LRP1B: variants seen among roughly 807,000 people sequenced by gnomAD.
LRP1B encodes the protein LDL receptor related protein 1B.
In LRP1B, 217 loss-of-function variants were observed where a neutral mutation model predicts 556.6. The ratio of observed to expected loss-of-function variants is 0.39; its 90% CI spans 0.35 to 0.44. The LOEUF is 0.44. Ranked by LOEUF, LRP1B falls within the 20% of genes least tolerant of loss-of-function variation. The pLI, the probability that LRP1B is intolerant of heterozygous loss-of-function variation, is 1.00. For missense variants in LRP1B, 5,053 were observed against 5,620.8 expected (o/e 0.90, Z 3.23); for synonymous variants, 2,047 against 1,865.8 (o/e 1.10, Z -2.50).
At chr2:141,730,592 AT>A (rs1401846434) in intron 2 of LRP1B, among the ~76,000 whole-genome samples, 6 of 152,118 alleles carry the variant, frequency 3.9e-5, no homozygotes, top group African/African-American at 1.4e-4. Flanking sequence ...GCTACCTATT[AT>A]ACTAGTTGAA....
At chr2:140,820,369 A>G (rs1691284785) in intron 31 of LRP1B, among the ~76,000 whole-genome samples, 1 of 152,176 alleles carries the variant, frequency 6.6e-6, no homozygotes, top group Non-Finnish European at 1.5e-5. Context: ...CCTGGAAATT[A>G]CCCTTTTCAT....
intron 1 of LRP1B, among the ~76,000 whole-genome samples, chr2:141,838,180 T>C (rs1319484697): frequency 6.6e-6 from 1 of 152,054 alleles, no homozygotes; most frequent in African/African-American, 2.4e-5. Flanking sequence ...TAATAATCTA[T>C]AACGTAAGCT....
chr2:141,462,598 C>A (rs1457950764), intron 3 of LRP1B, among the ~76,000 whole-genome samples: 1 of 151,994 alleles, frequency 6.6e-6, no homozygotes, highest in Non-Finnish European at 1.5e-5. Flanking sequence ...AACCATGGCA[C>A]ATGTATACCT....
At chr2:141,674,845 C>T (rs1055149126) in intron 2 of LRP1B, among the ~76,000 whole-genome samples, 29 of 151,960 alleles carry the variant, frequency 1.9e-4, no homozygotes, top group Non-Finnish European at 3.8e-4. Flanking sequence ...AGGACATGTA[C>T]ATTAGACATT....
chr2:140,310,329 C>CT (rs1301744680), intron 83 of LRP1B, among the ~76,000 whole-genome samples: 1 of 150,092 alleles, frequency 6.7e-6, no homozygotes, highest in African/African-American at 2.4e-5. Context: ...CTAACACAAT[C>CT]TACAGATTCA....
At chr2:141,913,279 G>A (rs981530397) in intron 1 of LRP1B, among the ~76,000 whole-genome samples, 5 of 152,220 alleles carry the variant, frequency 3.3e-5, no homozygotes, top group African/African-American at 1.2e-4. Context: ...AACAGAAATT[G>A]ATTGGACCCT....
intron 9 of LRP1B, among the ~76,000 whole-genome samples, chr2:141,056,616 T>G (rs1249630554): frequency 1.3e-5 from 2 of 151,872 alleles, no homozygotes; most frequent in Non-Finnish European, 2.9e-5. Context: ...TTCATCTCAG[T>G]CTCTTCTTTT....
At chr2:140,667,369 T>C (rs1685315920) in intron 41 of LRP1B, among the ~76,000 whole-genome samples, 1 of 152,202 alleles carries the variant, frequency 6.6e-6, no homozygotes, top group African/African-American at 2.4e-5. Context: ...TTTACCCTGA[T>C]ATAAAACAAA....
rs6760190 is a variant in LRP1B, at chr2:140,651,842, G to A, written c.6799+48408C>T. Among the ~76,000 whole-genome samples the A allele has an allele frequency of 9.0e-3, 1,370 of 152,228 alleles. 21 individuals carry two copies. The highest frequency in any genetic ancestry group is 0.031 in the African/African-American group (1,283 of 41,538). Reference sequence around the variant, plus strand: ...CAGCAAATGATATACTTTGATTATTGTCAAACAGGTTTGCCTTCCAGGGTA... The same window carrying A: ...CAGCAAATGATATACTTTGATTATTATCAAACAGGTTTGCCTTCCAGGGTA... On this transcript the variant is annotated intron_variant, in intron 41 of 90. Transcript: ENST00000389484.
At chr2:141,319,869 A>C (rs892729386) in intron 3 of LRP1B, among the ~76,000 whole-genome samples, 4 of 152,128 alleles carry the variant, frequency 2.6e-5, no homozygotes, top group Non-Finnish European at 5.9e-5. Flanking sequence ...GTAAATTAGA[A>C]AACCTAAATC....
At chr2:140,604,393 A>G (rs1682790815) in intron 41 of LRP1B, among the ~76,000 whole-genome samples, 1 of 152,030 alleles carries the variant, frequency 6.6e-6, no homozygotes, top group Admixed American at 6.6e-5. Flanking sequence ...CCGTGGTTGT[A>G]CCCTATTTCC....
At chr2:141,812,789 A>C (rs1696401458) in intron 1 of LRP1B, among the ~76,000 whole-genome samples, 1 of 152,122 alleles carries the variant, frequency 6.6e-6, no homozygotes, top group Non-Finnish European at 1.5e-5. Context: ...TGACTAAGGT[A>C]ATGGGGAATT....
intron 7 of LRP1B, among the ~76,000 whole-genome samples, chr2:141,079,533 G>T (rs1558845958): frequency 6.6e-6 from 1 of 152,136 alleles, no homozygotes. Flanking sequence ...TTTTATATTT[G>T]AGCACACTAT....
chr2:141,502,490 AATAG>A (rs549869295), intron 2 of LRP1B, among the ~76,000 whole-genome samples: 89 of 152,284 alleles, frequency 5.8e-4, no homozygotes, highest in African/African-American at 1.8e-3. Context: ...ATCTCATGGG[AATAG>A]ATAGATAGTT....
At chr2:140,949,275 T>A (rs570225073) in intron 20 of LRP1B, among the ~76,000 whole-genome samples, 2 of 152,322 alleles carry the variant, frequency 1.3e-5, no homozygotes, top group Admixed American at 6.5e-5. Context: ...GCAGAAAAAA[T>A]TCTGTTAAAA....
chr2:142,103,238 TTA>T (rs1425997132), intron 1 of LRP1B, among the ~76,000 whole-genome samples: 2 of 151,988 alleles, frequency 1.3e-5, no homozygotes, highest in Non-Finnish European at 1.5e-5. Context: ...TCATATTAAA[TTA>T]TGAGATTAAT....
chr2:141,969,018 C>T (rs1234793150), intron 1 of LRP1B, among the ~76,000 whole-genome samples: 2 of 151,440 alleles, frequency 1.3e-5, no homozygotes, highest in African/African-American at 4.8e-5. Flanking sequence ...TACATTCATG[C>T]ATTCAATCTA....
chr2:142,079,840 A>G (rs1483176593), intron 1 of LRP1B, among the ~76,000 whole-genome samples: 1 of 152,024 alleles, frequency 6.6e-6, no homozygotes, highest in Non-Finnish European at 1.5e-5. Flanking sequence ...ATAAGCAGAT[A>G]TCTTATGTTT....
At chr2:140,322,259 G>A (rs965409845) in intron 81 of LRP1B, among the ~76,000 whole-genome samples, 171 bp from the exon 82 acceptor site, 3 of 152,078 alleles carry the variant, frequency 2.0e-5, no homozygotes, top group African/African-American at 7.2e-5. Context: ...CTTTATAGGT[G>A]AAGAAAAATT....
Sources: gnomAD v4.1 joint callset for allele counts (sites outside exome capture counted in the v4.1 genomes callset) on GRCh38, gnomAD v4.1.1 for gene constraint, MANE v1.5 for transcripts, NCBI Gene and HGNC (gene_info 2026-07-23, HGNC 2026-07-21) for gene names.